PTPRG: variants seen among roughly 807,000 people sequenced by gnomAD.
The protein encoded by PTPRG is protein tyrosine phosphatase receptor type G, also known as receptor-type tyrosine-protein phosphatase gamma.
PTPRG carries 102 observed loss-of-function variants against 165.3 expected under a neutral mutation model. The observed-to-expected ratio is 0.62, with a 90% CI of 0.53 to 0.73. The LOEUF (loss-of-function observed/expected upper bound fraction) is 0.73, where lower values mean the gene tolerates loss of function less well. Ranked by LOEUF, PTPRG falls within the 30% of genes least tolerant of loss-of-function variation. The pLI is 0.00. For missense variants in PTPRG, 1,866 were observed against 1,861.4 expected (o/e 1.00, Z -0.05); for synonymous variants, 675 against 669.5 (o/e 1.01, Z -0.13).
chr3:61,768,209 A>G (rs1056489361), intron 2 of PTPRG, among the ~76,000 whole-genome samples: 2 of 152,220 alleles, frequency 1.3e-5, no homozygotes, highest in Non-Finnish European at 2.9e-5. Flanking sequence ...CCCACCATTT[A>G]TCACAACTAA....
intron 2 of PTPRG, among the ~76,000 whole-genome samples, chr3:61,872,083 G>T (rs2037600933): frequency 1.3e-5 from 2 of 152,172 alleles, no homozygotes; most frequent in Admixed American, 1.3e-4. Context: ...ATCTCAGTAA[G>T]GGAAACACTT....
intron 2 of PTPRG, among the ~76,000 whole-genome samples, chr3:61,899,738 A>G (rs980576183): frequency 3.9e-5 from 6 of 152,186 alleles, no homozygotes; most frequent in African/African-American, 1.4e-4. Context: ...AGGCATCTGT[A>G]TATAGTTTGA....
chr3:61,888,658 A>C (rs543892772), intron 2 of PTPRG, among the ~76,000 whole-genome samples: 3 of 152,246 alleles, frequency 2.0e-5, no homozygotes, highest in Non-Finnish European at 4.4e-5. Flanking sequence ...TACATAACAA[A>C]AGTATAGTTA....
intron 2 of PTPRG, among the ~76,000 whole-genome samples, chr3:61,847,440 GACA>G (rs1406723488): frequency 6.6e-6 from 1 of 152,172 alleles, no homozygotes; most frequent in African/African-American, 2.4e-5. Flanking sequence ...AGAGCTGTGA[GACA>G]ACAACTGTTG....
intron 5 of PTPRG, among the ~76,000 whole-genome samples, chr3:62,107,408 A>C (rs1702510602): frequency 6.6e-6 from 1 of 152,226 alleles, no homozygotes; most frequent in South Asian, 2.1e-4. Flanking sequence ...CACATGAAAT[A>C]CTCCTATAAC....
intron 29 of PTPRG, 90 bp downstream of exon 29, chr3:62,292,646 T>C (rs1177191989): frequency 1.4e-6 from 2 of 1,461,586 alleles, no homozygotes; most frequent in East Asian, 2.3e-5. Flanking sequence ...TTGGGGGTGA[T>C]TTTGCCCCCC....
chr3:61,845,127 C>G (rs151147655), intron 2 of PTPRG, among the ~76,000 whole-genome samples: 254 of 152,262 alleles, frequency 1.7e-3, no homozygotes, highest in African/African-American at 5.8e-3. Context: ...AGCAACCTAC[C>G]TTAAGCATTT....
At chr3:61,871,092 A>G (rs2037557457) in intron 2 of PTPRG, among the ~76,000 whole-genome samples, 1 of 147,446 alleles carries the variant, frequency 6.8e-6, no homozygotes, top group South Asian at 2.1e-4. Flanking sequence ...TCAGTATTCC[A>G]TTTTCCCTAC....
At chr3:61,968,372 A>G (rs1010189341) in intron 2 of PTPRG, among the ~76,000 whole-genome samples, 1 of 152,136 alleles carries the variant, frequency 6.6e-6, no homozygotes, top group African/African-American at 2.4e-5. Context: ...CAGTTTGTTC[A>G]TCCCTTTTTG....
chr3:62,231,463 C>G (rs973098750), intron 14 of PTPRG, 152 bp downstream of exon 14: 3 of 499,322 alleles, frequency 6.0e-6, no homozygotes, highest in Admixed American at 8.3e-5. Context: ...GTAAGACTTG[C>G]AAATATCAAT....
intron 12 of PTPRG, among the ~76,000 whole-genome samples, chr3:62,216,518 G>A (rs1207948628): frequency 6.6e-6 from 1 of 151,964 alleles, no homozygotes; most frequent in Non-Finnish European, 1.5e-5. Context: ...CCATTAACAG[G>A]ACATCCAGGT....
chr3:62,262,910 TA>T lies in PTPRG; in HGVS notation c.2656+19del. 5 of 1,566,198 alleles carry T rather than the reference TA, an allele frequency of 3.2e-6. No individual in the cohort carries two copies. The highest frequency in any genetic ancestry group is 4.4e-6 in the Non-Finnish European group (5 of 1,136,988). On this transcript the variant is annotated intron_variant, in intron 17 of 29. Coordinates refer to ENST00000474889, the MANE Select transcript of PTPRG (RefSeq NM_002841.4). ...ATTTTAGCATGTGAGTAATAAGCTT[TA>T]AACTACCTTCAACTGCGAGGAAATT...
intron 2 of PTPRG, among the ~76,000 whole-genome samples, chr3:61,927,413 A>T (rs2039246747): frequency 6.6e-6 from 1 of 152,148 alleles, no homozygotes; most frequent in African/African-American, 2.4e-5. Flanking sequence ...TTTTGAGTTA[A>T]CTGTGGAGAG....
chr3:61,620,705 TG>T (rs1421723822), intron 1 of PTPRG, among the ~76,000 whole-genome samples: 7 of 152,104 alleles, frequency 4.6e-5, no homozygotes, highest in African/African-American at 7.2e-5. Context: ...TTTGGCTCAC[TG>T]CAACCTCCGC....
intron 28 of PTPRG, among the ~76,000 whole-genome samples, chr3:62,287,232 G>T: frequency 6.6e-6 from 1 of 152,172 alleles, no homozygotes; most frequent in South Asian, 2.1e-4. Flanking sequence ...TTAAACAAAT[G>T]TTAAATTCTT....
At chr3:61,884,300 G>A (rs905154180) in intron 2 of PTPRG, among the ~76,000 whole-genome samples, 10 of 152,194 alleles carry the variant, frequency 6.6e-5, no homozygotes, top group African/African-American at 2.2e-4. Flanking sequence ...ACTTTAATAT[G>A]AAGGCACATG....
intron 1 of PTPRG, among the ~76,000 whole-genome samples, chr3:61,569,204 C>A (rs1699998082): frequency 6.6e-6 from 1 of 152,196 alleles, no homozygotes; most frequent in Non-Finnish European, 1.5e-5. Flanking sequence ...GTTTTCTAAA[C>A]TAGGTGGCTA....
At position 61,678,944 on chromosome 3, in the gene PTPRG, C is replaced by T. The variant is rs556445736; in HGVS notation, c.86-69934C>T. Among the ~76,000 whole-genome samples the T allele has an allele frequency of 2.6e-5, 4 of 151,826 alleles. No individual in the cohort carries two copies. The East Asian group carries it at 7.7e-4, about 29-fold the overall frequency. ...CTGTATTATGTGCAATTTTTTTTTC[C>T]TTGAAAGCATTTCTGCAATAATGGC... On this transcript the variant is annotated intron_variant, in intron 1 of 29. Transcript: ENST00000474889.
intron 5 of PTPRG, among the ~76,000 whole-genome samples, chr3:62,131,713 T>G (rs1190390014): frequency 6.6e-6 from 1 of 152,084 alleles, no homozygotes; most frequent in African/African-American, 2.4e-5. Flanking sequence ...TAAAGAAAAT[T>G]GTATAATGAC....
Sources: gnomAD v4.1 joint callset for allele counts (sites outside exome capture counted in the v4.1 genomes callset) on GRCh38, gnomAD v4.1.1 for gene constraint, MANE v1.5 for transcripts, NCBI Gene and HGNC (gene_info 2026-07-23, HGNC 2026-07-21) for gene names.